The following SPATA17 variants were observed in gnomAD, a reference collection of about 807,000 sequenced individuals.
SPATA17 encodes spermatogenesis associated 17.
A neutral mutation model predicts 62.2 loss-of-function variants in SPATA17; 53 were observed. That is an observed-to-expected ratio of 0.85 (90% CI 0.68 to 1.07). SPATA17 has a LOEUF of 1.07. SPATA17 is among the 50% of genes least tolerant of loss of function. The probability of loss-of-function intolerance (pLI) is 0.00; values close to 1 mark genes in which losing one functional copy is unlikely to be tolerated. For missense variants in SPATA17, 466 were observed against 425.5 expected (o/e 1.10, Z -0.84); for synonymous variants, 146 against 146.8 (o/e 0.99, Z 0.04).
intron 9 of SPATA17, among the ~76,000 whole-genome samples, chr1:217,839,875 T>A (rs148850401): frequency 6.6e-6 from 1 of 152,188 alleles, no homozygotes. Flanking sequence ...TTTTATGATG[T>A]CCACATTTTG....
intron 6 of SPATA17, among the ~76,000 whole-genome samples, chr1:217,761,580 G>A (rs1393767091): frequency 2.0e-5 from 3 of 152,172 alleles, no homozygotes; most frequent in African/African-American, 7.2e-5. Flanking sequence ...AGTCTTGAGA[G>A]GTTGCAGATA....
intron 3 of SPATA17, among the ~76,000 whole-genome samples, chr1:217,651,813 A>G (rs1311551915): frequency 1.3e-5 from 2 of 152,236 alleles, no homozygotes; most frequent in African/African-American, 4.8e-5. Context: ...ATTATTTATT[A>G]AACACCTGCT....
intron 5 of SPATA17, among the ~76,000 whole-genome samples, chr1:217,729,350 T>C (rs1478252833): frequency 6.6e-6 from 1 of 152,198 alleles, no homozygotes; most frequent in East Asian, 1.9e-4. Flanking sequence ...ACCATAGATA[T>C]TGTGTAAATA....
rs1672696235 is a variant in SPATA17, at chr1:217,744,223, G to A, written c.519+2125G>A. The stretch of plus-strand genomic sequence containing the variant: ...CACGCCTGTAATCCCAGCACTTTGG[G>A]AGGCCGAGGCGGGCGGATCACGAGG... On this transcript the variant is annotated intron_variant, in intron 6 of 10. Transcript: ENST00000366933. 4.2e-5 allele frequency among the ~76,000 whole-genome samples: 2 copies of A among 47,358 alleles called. 1 individual carries two copies. Among genetic ancestry groups the A allele is most frequent in the South Asian group, 9.5e-4 (2 of 2,116 alleles). The allele number at this position is 47,358 out of a possible 152,430, so 31.1% of individuals were successfully genotyped here. A position where few individuals can be genotyped will look rare whatever the true frequency, so the allele number is the denominator to read the frequency against.
intron 3 of SPATA17, among the ~76,000 whole-genome samples, chr1:217,664,494 C>T (rs1367477720): frequency 3.3e-5 from 5 of 151,690 alleles, no homozygotes; most frequent in Non-Finnish European, 5.9e-5. Flanking sequence ...GGGGTTTCAC[C>T]GTGTTGGCCA....
At chr1:217,702,752 G>C (rs1671628364) in intron 5 of SPATA17, among the ~76,000 whole-genome samples, 1 of 152,064 alleles carries the variant, frequency 6.6e-6, no homozygotes, top group African/African-American at 2.4e-5. Context: ...CTGGGTCTGT[G>C]AGTAGTAACT....
intron 9 of SPATA17, among the ~76,000 whole-genome samples, chr1:217,812,495 A>G (rs1396264041): frequency 1.3e-5 from 2 of 152,116 alleles, no homozygotes; most frequent in Non-Finnish European, 2.9e-5. Flanking sequence ...ATACCATATA[A>G]TTTACTCATT....
At chr1:217,681,497 C>T (rs1351430256) in intron 4 of SPATA17, among the ~76,000 whole-genome samples, 3 of 151,908 alleles carry the variant, frequency 2.0e-5, no homozygotes, top group Admixed American at 6.6e-5. Flanking sequence ...CCTCAGCCTC[C>T]CAAGTAGCTG....
chr1:217,711,804 A>C (rs888058914), intron 5 of SPATA17, among the ~76,000 whole-genome samples: 13 of 152,216 alleles, frequency 8.5e-5, no homozygotes, highest in Admixed American at 4.6e-4. Context: ...TGGGACTATA[A>C]TACGTTTCCA....
intron 9 of SPATA17, chr1:217,850,469 G>T (rs576841058): frequency 7.7e-7 from 1 of 1,291,860 alleles, no homozygotes; most frequent in Admixed American, 2.3e-5. Context: ...TAGTCAGAAA[G>T]AGTACAGCCT....
chr1:217,755,551 G>T (rs1006104777), intron 6 of SPATA17, among the ~76,000 whole-genome samples: 1 of 151,902 alleles, frequency 6.6e-6, no homozygotes, highest in Non-Finnish European at 1.5e-5. Context: ...ATAAGGAAAA[G>T]CATGCCTAAT....
intron 7 of SPATA17, among the ~76,000 whole-genome samples, chr1:217,781,582 G>A (rs894418623): frequency 1.3e-5 from 2 of 152,132 alleles, no homozygotes; most frequent in Non-Finnish European, 2.9e-5. Context: ...TCAAAAGGTT[G>A]CTATTGGTAT....
In SPATA17 at chr1:217,867,407, G is replaced by A. The variant is rs1676037973; in HGVS notation, c.*388G>A. 1.3e-5 allele frequency: 2 copies of A among 152,216 alleles called. No individual in the cohort carries two copies. The highest frequency in any genetic ancestry group is 4.8e-5 in the African/African-American group (2 of 41,464). The allele number at this position is 152,216 out of a possible 1,614,324, so 9.4% of individuals were successfully genotyped here. On this transcript the variant is annotated 3_prime_UTR_variant, in exon 11 of 11. Coordinates refer to ENST00000366933, the MANE Select transcript of SPATA17 (RefSeq NM_138796.4). ...TAAGTAGGATGATGAATGGTTTGAA[G>A]TGTAAATTGTGTGAAATAGTTCAGC...
chr1:217,812,271 AC>A (rs1292126332), intron 9 of SPATA17, among the ~76,000 whole-genome samples: 1 of 152,158 alleles, frequency 6.6e-6, no homozygotes, highest in African/African-American at 2.4e-5. Flanking sequence ...TCCTCTCATC[AC>A]ATTCATATTA....
chr1:217,696,510 C>G (rs1410662236), intron 5 of SPATA17, among the ~76,000 whole-genome samples: 2 of 152,196 alleles, frequency 1.3e-5, no homozygotes, highest in Admixed American at 6.5e-5. Flanking sequence ...ATTCAGCCAT[C>G]TTGGCTCCTC....
In SPATA17 at chr1:217,868,543, T is replaced by C. The variant is rs755621327; in HGVS notation, c.*1524T>C. 28 of 152,184 alleles carry C rather than the reference T, an allele frequency of 1.8e-4. No individual in the cohort carries two copies. Among genetic ancestry groups the C allele is most frequent in the African/African-American group, 6.5e-4 (27 of 41,526 alleles). The allele number at this position is 152,184 out of a possible 1,614,324, so 9.4% of individuals were successfully genotyped here. ...CTAACACAAAGCCTATTTTATAATA[T>C]TGAACAGCCCATGTAATTTATTGAA... On this transcript the variant is annotated 3_prime_UTR_variant, in exon 11 of 11. Coordinates refer to ENST00000366933, the MANE Select transcript of SPATA17 (RefSeq NM_138796.4).
chr1:217,776,572 C>T (rs879569763), intron 7 of SPATA17, among the ~76,000 whole-genome samples: 2 of 151,410 alleles, frequency 1.3e-5, no homozygotes, highest in Non-Finnish European at 2.9e-5. Flanking sequence ...GGCACAGTGG[C>T]TCATGCCTAT....
intron 6 of SPATA17, among the ~76,000 whole-genome samples, chr1:217,753,681 G>T (rs969158104): frequency 3.3e-5 from 5 of 151,568 alleles, no homozygotes; most frequent in African/African-American, 1.2e-4. Context: ...ATGTATACAT[G>T]TTATGTATGT....
rs766033081 is a variant in SPATA17, at chr1:217,782,315, G to A, written c.865G>A (p.Asp289Asn). 18 of 1,603,970 alleles carry A rather than the reference G, an allele frequency of 1.1e-5. No individual in the cohort carries two copies. The highest frequency in any genetic ancestry group is 1.5e-5 in the Non-Finnish European group (18 of 1,176,422). The change falls in exon 8 of 11, where the codon GAC becomes AAC. Residue 289 changes from aspartate to asparagine, a missense_variant. Coordinates refer to ENST00000366933, the MANE Select transcript of SPATA17 (RefSeq NM_138796.4). ...RREEWLQNVN[D>N]NMFLPFSSYH... ...AGAGGAATGGCTGCAAAATGTAAAT[G>A]ACAATATGTGAGTTCTTAGCTTAAC...
Sources: allele counts gnomAD v4.1 joint callset (sites outside exome capture counted in the v4.1 genomes callset), GRCh38; gene constraint gnomAD v4.1.1; transcripts MANE v1.5; gene names NCBI Gene and HGNC (gene_info 2026-07-23, HGNC 2026-07-21).